Variants in UBR3 observed in about 807,000 individuals in gnomAD.
The protein encoded by UBR3 is ubiquitin protein ligase E3 component n-recognin 3, also known as E3 ubiquitin-protein ligase UBR3.
In UBR3, 85 loss-of-function variants were observed where a neutral mutation model predicts 243.2. The ratio of observed to expected loss-of-function variants is 0.35; its 90% CI spans 0.29 to 0.42. UBR3 has a LOEUF of 0.42. Among genes scored for constraint, UBR3 ranks in the 10% least tolerant of loss-of-function variants. The pLI, the probability that UBR3 is intolerant of heterozygous loss-of-function variation, is 1.00. For missense variants in UBR3, 1,686 were observed against 2,300.8 expected (o/e 0.73, Z 5.47); for synonymous variants, 748 against 799.8 (o/e 0.94, Z 1.09).
intron 27 of UBR3, among the ~76,000 whole-genome samples, chr2:170,005,663 A>T (rs1288729313): frequency 2.0e-5 from 3 of 152,180 alleles, no homozygotes; most frequent in African/African-American, 7.2e-5. Flanking sequence ...CAGGACAAGG[A>T]TGTTGTTATG....
At position 169,827,497 on chromosome 2, in the gene UBR3, G is replaced by C; in HGVS notation, c.-11G>C. On this transcript the variant is annotated 5_prime_UTR_variant, in exon 1 of 39. Transcript: ENST00000272793. ...GCTGGCCCTGGACTCTCCAAATTCT[G>C]AGCTCTCATCATGGCGGCGGCGGCC... 1.6e-6 allele frequency: 2 copies of C among 1,227,870 alleles called. No homozygotes were observed. The highest frequency in any genetic ancestry group is 2.0e-6 in the Non-Finnish European group (2 of 986,082). The allele number at this position is 1,227,870 out of a possible 1,614,324, so 76.1% of individuals were successfully genotyped here.
intron 31 of UBR3, among the ~76,000 whole-genome samples, chr2:170,033,579 C>A (rs1238627149): frequency 6.4e-5 from 1 of 15,634 alleles, no homozygotes; most frequent in Non-Finnish European, 1.3e-4. Context: ...TTTTCCACAC[C>A]CACCCCCCCC....
chr2:169,831,802 T>TGGTA (rs1472201635), intron 1 of UBR3, among the ~76,000 whole-genome samples: 2 of 152,208 alleles, frequency 1.3e-5, no homozygotes, highest in African/African-American at 4.8e-5. Context: ...TGTTTGAACT[T>TGGTA]TTCTAAGTTT....
At chr2:169,914,682 G>A (rs557577559) in intron 11 of UBR3, among the ~76,000 whole-genome samples, 1 of 152,134 alleles carries the variant, frequency 6.6e-6, no homozygotes, top group Admixed American at 6.5e-5. Context: ...ACCATCAGAA[G>A]CTCCTTTTAT....
chr2:170,080,128 T>TA, intron 37 of UBR3, 105 bp downstream of exon 37: 1 of 1,031,184 alleles, frequency 9.7e-7, no homozygotes, highest in Non-Finnish European at 1.4e-6. Context: ...ATTAAGTATA[T>TA]AATACATATA....
chr2:169,884,259 C>T (rs1373565637), intron 5 of UBR3, among the ~76,000 whole-genome samples: 1 of 150,992 alleles, frequency 6.6e-6, no homozygotes, highest in African/African-American at 2.4e-5. Flanking sequence ...AGGTTCACGC[C>T]ATTCTGCCTC....
At chr2:170,069,807 G>T (rs2091658158) in intron 35 of UBR3, among the ~76,000 whole-genome samples, 3 of 151,850 alleles carry the variant, frequency 2.0e-5, no homozygotes, top group South Asian at 4.2e-4. Flanking sequence ...GCTATCTGTA[G>T]GGGATTTGTT....
chr2:169,904,783 C>T (rs569238088), intron 8 of UBR3, among the ~76,000 whole-genome samples: 1 of 152,128 alleles, frequency 6.6e-6, no homozygotes, highest in African/African-American at 2.4e-5. Flanking sequence ...TCATTAGAAT[C>T]AAGAAAATAA....
chr2:169,925,478 C>CAATGTAAA (rs1324100569), intron 13 of UBR3, 141 bp from the exon 14 acceptor site: 1 of 735,292 alleles, frequency 1.4e-6, no homozygotes, highest in East Asian at 3.3e-5. Context: ...ATGTATATTT[C>CAATGTAAA]AACTGATTAT....
chr2:169,872,168 T>G (rs1338611939), intron 1 of UBR3, 68 bp from the exon 2 acceptor site: 1 of 1,134,196 alleles, frequency 8.8e-7, no homozygotes, highest in African/African-American at 1.6e-5. Flanking sequence ...ACGAATATTG[T>G]AAATAGAAAT....
intron 1 of UBR3, among the ~76,000 whole-genome samples, chr2:169,856,486 G>A (rs1574056916): frequency 6.6e-6 from 1 of 152,200 alleles, no homozygotes; most frequent in African/African-American, 2.4e-5. Context: ...GCAGGCGGCT[G>A]GGAGGTGGAG....
At position 169,947,530 on chromosome 2, in the gene UBR3, T is replaced by A. The variant is rs573332930; in HGVS notation, c.2911-12T>A. 6.9e-7 allele frequency: 1 copy of A among 1,440,320 alleles called. No individual in the cohort carries two copies. The highest frequency in any genetic ancestry group is 2.6e-5 in the East Asian group (1 of 37,846). The allele number at this position is 1,440,320 out of a possible 1,614,324, so 89.2% of individuals were successfully genotyped here. A position where few individuals can be genotyped will look rare whatever the true frequency, so the allele number is the denominator to read the frequency against. The stretch of plus-strand genomic sequence containing the variant: ...TGGCAAGACTTGATATTCATTTTTT[T>A]TTTTATTTTAGGCATCAGTGGGTGG... On this transcript the variant is annotated splice_polypyrimidine_tract_variant and intron_variant, in intron 21 of 38. Coordinates refer to ENST00000272793, the MANE Select transcript of UBR3 (RefSeq NM_172070.4).
At chr2:169,901,927 T>G (rs1205083986) in intron 8 of UBR3, among the ~76,000 whole-genome samples, 1 of 152,218 alleles carries the variant, frequency 6.6e-6, no homozygotes, top group African/African-American at 2.4e-5. Context: ...CTGCCTTTCC[T>G]CCCTGCATAT....
chr2:170,044,962 T>C (rs2091048310), intron 32 of UBR3, among the ~76,000 whole-genome samples: 1 of 152,342 alleles, frequency 6.6e-6, no homozygotes, highest in Admixed American at 6.5e-5. Flanking sequence ...TCTCTCAGGC[T>C]AAAATTCTTT....
At chr2:169,903,143 C>T (rs2354237) in intron 8 of UBR3, among the ~76,000 whole-genome samples, 64,716 of 152,040 alleles carry the variant, frequency 0.43, 15,304 homozygotes, top group Non-Finnish European at 0.54. Context: ...TACACTGAAT[C>T]ATTGCTCTTT....
intron 22 of UBR3, 33 bp from the exon 23 acceptor site, chr2:169,949,572 T>C (rs1187706756): frequency 6.8e-7 from 1 of 1,475,418 alleles, no homozygotes. Context: ...TAACTTCTCT[T>C]GATTTTTCTT....
At chr2:170,022,305 T>C (rs2090412807) in intron 30 of UBR3, among the ~76,000 whole-genome samples, 1 of 152,114 alleles carries the variant, frequency 6.6e-6, no homozygotes, top group African/African-American at 2.4e-5. Flanking sequence ...AGTGGAGACA[T>C]AGGAACTCCG....
At chr2:169,829,704 G>A (rs2081867502) in intron 1 of UBR3, among the ~76,000 whole-genome samples, 1 of 152,130 alleles carries the variant, frequency 6.6e-6, no homozygotes, top group East Asian at 1.9e-4. Context: ...GATTACAGGC[G>A]TGAGCCACCG....
rs531324886 is a variant in UBR3 at position 169,839,666 on chromosome 2, AACAC to A, written c.545+11626_545+11629del. 1.8e-4 allele frequency among the ~76,000 whole-genome samples: 27 copies of A among 152,096 alleles called. 1 individual carries two copies. The highest frequency in any genetic ancestry group is 1.5e-3 in the South Asian group (7 of 4,812). ...TGTACATCTATTATGCATCAAATAA[AACAC>A]ACACACACACATATAGTGCAATGGT... is the stretch of plus-strand genomic sequence containing the variant. On this transcript the variant is annotated intron_variant, in intron 1 of 38. Coordinates refer to ENST00000272793, the MANE Select transcript of UBR3 (RefSeq NM_172070.4).
Sources: allele counts gnomAD v4.1 joint callset (sites outside exome capture counted in the v4.1 genomes callset), GRCh38; gene constraint gnomAD v4.1.1; transcripts MANE v1.5; gene names NCBI Gene and HGNC (gene_info 2026-07-23, HGNC 2026-07-21).